The following APC variants were observed in gnomAD, a reference collection of about 807,000 sequenced individuals.
APC encodes APC regulator of Wnt signaling pathway.
In APC, 72 loss-of-function variants were observed where a neutral mutation model predicts 247.0. The ratio of observed to expected loss-of-function variants is 0.29; its 90% CI spans 0.24 to 0.35. The LOEUF is 0.35. APC is among the 10% of genes least tolerant of loss of function. The pLI, the probability that APC is intolerant of heterozygous loss-of-function variation, is 1.00. For synonymous variants in APC, 1,254 were observed against 1,162.5 expected (o/e 1.08, Z -1.60); for missense variants, 3,400 against 3,360.7 (o/e 1.01, Z -0.29).
In APC at chr5:112,839,998, G is replaced by C. The variant is rs768449500; in HGVS notation, c.4404G>C (p.Lys1468Asn). The C allele has an allele frequency of 8.1e-6, 13 of 1,614,112 alleles. No individual in the cohort carries two copies. The highest frequency in any genetic ancestry group is 1.1e-5 in the Non-Finnish European group (13 of 1,180,018). Residue 1468 changes from lysine to asparagine, a missense_variant, in exon 16 of 16, where the codon AAG becomes AAC. Transcript: ENST00000257430. The surrounding 1 kb of genome is among the most constrained non-coding windows in gnomAD (Gnocchi z 5.0). Reference sequence around the variant, plus strand: ...CTGAAAAGAGAGAGAGTGGACCTAAGCAAGCTGCAGTAAATGCTGCAGTTC... The same window carrying C: ...CTGAAAAGAGAGAGAGTGGACCTAACCAAGCTGCAGTAAATGCTGCAGTTC... ...PTAEKRESGPKQAAVNAAVQR... is the reference protein window; with the variant it reads ...PTAEKRESGPNQAAVNAAVQR...
Position 112,842,912 on chromosome 5 carries a change from C to A in APC, c.7318C>A (p.Gln2440Lys), listed in dbSNP as rs1270166239. Residue 2440 changes from glutamine (Q) to lysine (K), a missense_variant, in exon 16 of 16, where the codon CAG becomes AAG. Gln to Lys is a moderately conservative substitution (Grantham distance 53). Coordinates refer to ENST00000257430, the MANE Select transcript of APC (RefSeq NM_000038.6). ...ATCAGAAAGACCTGTATTAGTACGC[C>A]AGTCAACTTTCATCAAAGAAGCTCC... is the stretch of plus-strand genomic sequence containing the variant. ...DRSERPVLVR[Q>K]STFIKEAPSP... 2 of 1,614,006 alleles carry A rather than the reference C, an allele frequency of 1.2e-6. No homozygotes were observed. The highest frequency in any genetic ancestry group is 1.1e-5 in the South Asian group (1 of 91,076).
Position 112,843,871 on chromosome 5 carries a change from T to C in APC, c.8277T>C (p.Arg2759=), listed in dbSNP as rs1057523814. 1 of 1,614,044 alleles carries C rather than the reference T, an allele frequency of 6.2e-7. No individual in the cohort carries two copies. The highest frequency in any genetic ancestry group is 8.5e-7 in the Non-Finnish European group (1 of 1,179,902). Residue 2759 remains arginine (R), a synonymous_variant, in exon 16 of 16, where the codon CGT becomes CGC. Coordinates refer to ENST00000257430, the MANE Select transcript of APC (RefSeq NM_000038.6). This position sits in a 1 kb window ranked among gnomAD's most constrained non-coding sequence, Gnocchi z 4.8. ...SETNESSIVE[R]TPFSSSSSSK... ...CTAATGAAAGTTCTATAGTGGAACGTACCCCATTCAGTTCTAGCAGCTCAA... is the reference window on the plus strand; with the variant it reads ...CTAATGAAAGTTCTATAGTGGAACGCACCCCATTCAGTTCTAGCAGCTCAA...
At chr5:112,707,951 C>T (rs565294521) in intron 1 of APC, 2 of 1,284,632 alleles carry the variant, frequency 1.6e-6, no homozygotes, top group Non-Finnish European at 1.0e-6. Context: ...CGCCGCTGCT[C>T]GGGACCCTAC....
chr5:112,807,487 A>G (rs1054605449), intron 8 of APC, among the ~76,000 whole-genome samples: 3 of 151,896 alleles, frequency 2.0e-5, no homozygotes, highest in Non-Finnish European at 2.9e-5. Flanking sequence ...TCCTATCTAT[A>G]TGTGGTTTAT....
chr5:112,775,478 TA>T, intron 4 of APC, 150 bp from the exon 5 acceptor site: 1 of 556,426 alleles, frequency 1.8e-6, no homozygotes, highest in Non-Finnish European at 3.2e-6. Context: ...GTCCTACCTT[TA>T]AAAATTGAAA....
intron 1 of APC, among the ~76,000 whole-genome samples, chr5:112,742,319 C>T (rs1753131141): frequency 6.6e-6 from 1 of 152,096 alleles, no homozygotes; most frequent in African/African-American, 2.4e-5. Flanking sequence ...ACCACAAACA[C>T]CTTTATGATA....
At chr5:112,752,457 C>T (rs1249633932) in intron 1 of APC, among the ~76,000 whole-genome samples, 2 of 152,100 alleles carry the variant, frequency 1.3e-5, no homozygotes, top group Non-Finnish European at 2.9e-5. Context: ...TTCTTCTCCC[C>T]TACCCCACAC....
intron 1 of APC, among the ~76,000 whole-genome samples, chr5:112,740,817 A>G (rs1752929708): frequency 6.6e-6 from 1 of 152,100 alleles, no homozygotes; most frequent in Non-Finnish European, 1.5e-5. Flanking sequence ...GTGAGCCACC[A>G]TGAAGTTTTT....
Position 112,841,693 on chromosome 5 carries a change from C to T in APC, c.6099C>T (p.Asp2033=), listed in dbSNP as rs370532497. 1 of 1,613,874 alleles carries T rather than the reference C, an allele frequency of 6.2e-7. No homozygotes were observed. The highest frequency in any genetic ancestry group is 8.5e-7 in the Non-Finnish European group (1 of 1,179,766). Residue 2033 remains aspartate (D), a synonymous_variant, in exon 16 of 16, where the codon GAC becomes GAT. Coordinates refer to ENST00000257430, the MANE Select transcript of APC (RefSeq NM_000038.6). This position sits in a 1 kb window ranked among gnomAD's most constrained non-coding sequence, Gnocchi z 4.6. ...RNSSLSSLSI[D]SEDDLLQECI... ...GTTCTCTCAGTTCTCTTAGTATTGA[C>T]TCTGAAGATGACCTGTTGCAGGAAT... is the stretch of plus-strand genomic sequence containing the variant.
At chr5:112,811,898 TG>T (rs1762014561) in intron 8 of APC, among the ~76,000 whole-genome samples, 1 of 152,188 alleles carries the variant, frequency 6.6e-6, no homozygotes, top group African/African-American at 2.4e-5. Flanking sequence ...GGGTATTGGC[TG>T]GGGTTGCAGT....
intron 4 of APC, among the ~76,000 whole-genome samples, chr5:112,767,656 G>A (rs1723199643): frequency 1.3e-5 from 2 of 151,904 alleles, no homozygotes; most frequent in African/African-American, 4.8e-5. Context: ...TTTGAGACAG[G>A]GTGTCACTGT....
intron 10 of APC, among the ~76,000 whole-genome samples, chr5:112,820,633 A>G (rs1763023002): frequency 6.6e-6 from 1 of 152,206 alleles, no homozygotes; most frequent in African/African-American, 2.4e-5. Context: ...AATGACCCAC[A>G]TTTTGTACTC....
At chr5:112,719,041 G>C (rs1751338295) in intron 1 of APC, among the ~76,000 whole-genome samples, 4 of 152,204 alleles carry the variant, frequency 2.6e-5, no homozygotes, top group African/African-American at 7.2e-5. Flanking sequence ...ACTTGTATGT[G>C]AGTAGTGCCT....
chr5:112,772,812 T>A (rs1757208568), intron 4 of APC, among the ~76,000 whole-genome samples: 1 of 152,240 alleles, frequency 6.6e-6, no homozygotes, highest in Admixed American at 6.5e-5. Context: ...CCGCCGTGCC[T>A]GGCCCCAACT....
chr5:112,824,805 C>A (rs1253569242), intron 11 of APC, among the ~76,000 whole-genome samples: 2 of 152,212 alleles, frequency 1.3e-5, no homozygotes, highest in Non-Finnish European at 1.5e-5. Flanking sequence ...GGTCAAAATT[C>A]TCAGTTCTTT....
chr5:112,798,279 C>T (rs1328626003), intron 7 of APC, among the ~76,000 whole-genome samples: 1 of 152,176 alleles, frequency 6.6e-6, no homozygotes, highest in Non-Finnish European at 1.5e-5. Flanking sequence ...GAATTTATAA[C>T]ATGGATGAAC....
At chr5:112,833,657 G>C (rs1764552863) in intron 14 of APC, among the ~76,000 whole-genome samples, 1 of 152,100 alleles carries the variant, frequency 6.6e-6, no homozygotes, top group African/African-American at 2.4e-5. Flanking sequence ...CTTTAATTGT[G>C]TATCAGAGTG....
At chr5:112,823,866 C>A (rs1033954194) in intron 11 of APC, among the ~76,000 whole-genome samples, 4 of 152,126 alleles carry the variant, frequency 2.6e-5, no homozygotes, top group Non-Finnish European at 5.9e-5. Flanking sequence ...TTTTCTGGCA[C>A]TGTAGCAAAC....
chr5:112,767,950 A>T lies in APC; in HGVS notation c.422+560A>T, dbSNP rs115656045. On this transcript the variant is annotated intron_variant, in intron 4 of 15. Transcript: ENST00000257430. ...TAACTTGCCAGATACTTTGGCCCAC[A>T]CCTGTAATCCCAGCTACTCTGGAGG... Among the ~76,000 whole-genome samples the T allele has an allele frequency of 9.1e-3, 1,383 of 152,026 alleles. 18 individuals carry two copies. The highest frequency in any genetic ancestry group is 0.012 in the Non-Finnish European group (793 of 67,996).
Sources: allele counts gnomAD v4.1 joint callset (sites outside exome capture counted in the v4.1 genomes callset), GRCh38; gene constraint gnomAD v4.1.1; non-coding constraint Gnocchi (gnomAD v3.1); transcripts MANE v1.5; gene names NCBI Gene and HGNC (gene_info 2026-07-23, HGNC 2026-07-21).